BRD1: variants seen among roughly 807,000 people sequenced by gnomAD.
BRD1 encodes the protein bromodomain containing 1.
A neutral mutation model predicts 107.7 loss-of-function variants in BRD1; 24 were observed. That is an observed-to-expected ratio of 0.22 (90% CI 0.16 to 0.31). The LOEUF is 0.31. Among genes scored for constraint, BRD1 ranks in the 10% least tolerant of loss-of-function variants. The pLI, the probability that BRD1 is intolerant of heterozygous loss-of-function variation, is 1.00. For synonymous variants in BRD1, 744 were observed against 686.1 expected (o/e 1.08, Z -1.32); for missense variants, 1,279 against 1,638.6 (o/e 0.78, Z 3.79).
chr22:49,821,098 C>G (rs1023414559), intron 2 of BRD1: 8 of 152,436 alleles, frequency 5.2e-5, no homozygotes, highest in Non-Finnish European at 1.0e-4. Context: ...CTCAATCAGC[C>G]CTGGCCACTT....
intron 2 of BRD1, chr22:49,805,467 A>G (rs2059723330): frequency 6.6e-6 from 1 of 152,346 alleles, no homozygotes; most frequent in Non-Finnish European, 1.5e-5. Flanking sequence ...GGCAGTCTGC[A>G]TGCTCAGGAC....
intron 8 of BRD1, among the ~76,000 whole-genome samples, chr22:49,780,649 C>T (rs1407424515): frequency 1.3e-5 from 2 of 152,200 alleles, no homozygotes; most frequent in Admixed American, 1.3e-4. Context: ...CTGCGCTGCC[C>T]GGACCCTCCC....
chr22:49,816,299 C>A lies in BRD1; in HGVS notation c.1367+6652G>T, dbSNP rs115613049. Among the ~76,000 whole-genome samples, 1,393 of 152,160 alleles carry A rather than the reference C, an allele frequency of 9.2e-3. 25 individuals carry two copies. Among genetic ancestry groups the A allele is most frequent in the African/African-American group, 0.032 (1,348 of 41,498 alleles). ...TCAAGGATGCAGTGACCTAGGATTG[C>A]GCCACTTCACTCCTGCCTGGGCAAC... On this transcript the variant is annotated intron_variant, in intron 2 of 12. Coordinates refer to ENST00000404760, the MANE Select transcript of BRD1 (RefSeq NM_001304808.3).
chr22:49,784,487 G>A (rs1206371195), intron 8 of BRD1, among the ~76,000 whole-genome samples: 9 of 152,258 alleles, frequency 5.9e-5, no homozygotes, highest in Non-Finnish European at 1.2e-4. Flanking sequence ...GGCCATCGCA[G>A]GAACAGAAGC....
intron 7 of BRD1, among the ~76,000 whole-genome samples, chr22:49,789,493 C>G (rs971268158): frequency 2.1e-4 from 31 of 150,442 alleles, no homozygotes; most frequent in East Asian, 9.8e-4. Context: ...CCTAGCCTCC[C>G]CCCCCCGCCC....
Position 49,826,477 on chromosome 22 carries a change from G to A in BRD1, c.-15+1020C>T, listed in dbSNP as rs3810644. On this transcript the variant is annotated intron_variant, in intron 1 of 12. Coordinates refer to ENST00000404760, the MANE Select transcript of BRD1 (RefSeq NM_001304808.3). ...ATTTCCACTGGGAGGGATCCGCGGG[G>A]GCACACACGTAGCTTCTCAAGGAAT... Among the ~76,000 whole-genome samples the A allele has an allele frequency of 2.0e-4, 31 of 152,324 alleles. No homozygotes were observed. In the East Asian group the frequency reaches 5.8e-3, roughly 29 times the overall value.
chr22:49,817,327 A>C (rs747273096), intron 2 of BRD1: 1 of 199,004 alleles, frequency 5.0e-6, no homozygotes, highest in Non-Finnish European at 1.1e-5. Flanking sequence ...AAATAAAAAG[A>C]GGCAGCAGAA....
In BRD1 at chr22:49,776,035, G is replaced by C. The variant is rs200471149; in HGVS notation, c.3231+15C>G. ...CCTCCTCTGGACCCGCAGGCGCCAC[G>C]AGAGCCGTACTCACCAGTGCCGGGT... is the stretch of plus-strand genomic sequence containing the variant. On this transcript the variant is annotated intron_variant, in intron 11 of 12. Coordinates refer to ENST00000404760, the MANE Select transcript of BRD1 (RefSeq NM_001304808.3). 2 of 1,509,912 alleles carry C rather than the reference G, an allele frequency of 1.3e-6. No individual in the cohort carries two copies. Among genetic ancestry groups the C allele is most frequent in the Non-Finnish European group, 1.8e-6 (2 of 1,127,750 alleles). The allele number at this position is 1,509,912 out of a possible 1,614,324, so 93.5% of individuals were successfully genotyped here.
At chr22:49,812,597 G>A (rs1251810584) in intron 2 of BRD1, among the ~76,000 whole-genome samples, 1 of 152,182 alleles carries the variant, frequency 6.6e-6, no homozygotes, top group East Asian at 1.9e-4. Flanking sequence ...TCTTACATGG[G>A]CAGCAAACTG....
At chr22:49,826,472 G>A (rs1429038932) in intron 1 of BRD1, among the ~76,000 whole-genome samples, 4 of 152,224 alleles carry the variant, frequency 2.6e-5, no homozygotes, top group African/African-American at 9.6e-5. Flanking sequence ...GGAGGGATCC[G>A]CGGGGGCACA....
At chr22:49,788,334 T>C (rs1423114997) in intron 7 of BRD1, among the ~76,000 whole-genome samples, 1 of 152,032 alleles carries the variant, frequency 6.6e-6, no homozygotes, top group Non-Finnish European at 1.5e-5. Context: ...TGATCTCTGG[T>C]CAAGGTCTTA....
intron 6 of BRD1, among the ~76,000 whole-genome samples, chr22:49,797,378 A>C (rs1167130525): frequency 6.6e-6 from 1 of 151,420 alleles, no homozygotes; most frequent in Non-Finnish European, 1.5e-5. Context: ...CTGGATGAAA[A>C]CCCCCAACTA....
rs772401949 is a variant in BRD1 at position 49,774,263 on chromosome 22, C to T, written c.3540G>A (p.Glu1180=). 3.1e-6 allele frequency: 5 copies of T among 1,614,104 alleles called. No homozygotes were observed. Among genetic ancestry groups the T allele is most frequent in the Non-Finnish European group, 1.7e-6 (2 of 1,179,974 alleles). The change falls in exon 13 of 13, where the codon GAG becomes GAA. Residue 1180 remains glutamate (E), a synonymous_variant. Transcript: ENST00000404760. The part of the protein sequence containing the change: ...AMNHLSRVHG[E]PTSDLSDID ...CAATGTCACTGAGGTCGCTGGTCGGCTCCCCGTGGACGCGGCTCAGGTGGT... is the reference window on the plus strand; with the variant it reads ...CAATGTCACTGAGGTCGCTGGTCGGTTCCCCGTGGACGCGGCTCAGGTGGT...
At chr22:49,825,459 G>A (rs1311964452) in intron 1 of BRD1, among the ~76,000 whole-genome samples, 1 of 152,184 alleles carries the variant, frequency 6.6e-6, no homozygotes, top group Non-Finnish European at 1.5e-5. Flanking sequence ...GGCCTCTGCT[G>A]TCCCAACACC....
chr22:49,824,327 A>T lies in BRD1; in HGVS notation c.-10T>A. ...GTCCTTTCCTCCTCATTTGGTAATG[A>T]TTACCTAAAATGAAGGCAAAAGTAA... On this transcript the variant is annotated 5_prime_UTR_variant, in exon 2 of 13. Transcript: ENST00000404760. This position sits in a 1 kb window ranked among gnomAD's most constrained non-coding sequence, Gnocchi z 5.9. 1 of 1,610,274 alleles carries T rather than the reference A, an allele frequency of 6.2e-7. No individual in the cohort carries two copies.
At chr22:49,819,800 T>C (rs527527477) in intron 2 of BRD1, among the ~76,000 whole-genome samples, 1 of 152,134 alleles carries the variant, frequency 6.6e-6, no homozygotes, top group Non-Finnish European at 1.5e-5. Context: ...AATCATAGTA[T>C]ATCAAACTTA....
At chr22:49,819,408 C>T (rs1045417027) in intron 2 of BRD1, among the ~76,000 whole-genome samples, 4 of 151,838 alleles carry the variant, frequency 2.6e-5, no homozygotes, top group African/African-American at 9.7e-5. Context: ...AAAACATTAG[C>T]AGGGCATGGT....
intron 2 of BRD1, among the ~76,000 whole-genome samples, chr22:49,809,351 C>A (rs777425839): frequency 6.6e-6 from 1 of 151,982 alleles, no homozygotes; most frequent in Non-Finnish European, 1.5e-5. Flanking sequence ...ACCAGCCTAG[C>A]CAAGATGGTG....
chr22:49,808,058 C>T (rs182442538), intron 2 of BRD1, among the ~76,000 whole-genome samples: 1 of 152,004 alleles, frequency 6.6e-6, no homozygotes, highest in Admixed American at 6.5e-5. Flanking sequence ...GATGTGGAAA[C>T]CCTGAACCCT....
Sources: gnomAD v4.1 joint callset for allele counts (sites outside exome capture counted in the v4.1 genomes callset) on GRCh38, gnomAD v4.1.1 for gene constraint, Gnocchi (gnomAD v3.1) non-coding constraint, MANE v1.5 for transcripts, NCBI Gene and HGNC (gene_info 2026-07-23, HGNC 2026-07-21) for gene names.